RBPJ: variants seen among roughly 807,000 people sequenced by gnomAD.
The protein encoded by RBPJ is recombination signal binding protein for immunoglobulin kappa J region.
Under a neutral mutation model 67.8 loss-of-function variants are expected in RBPJ, and 9 were observed. That is an observed-to-expected ratio of 0.13 (90% CI 0.08 to 0.23). The LOEUF is 0.23. RBPJ is among the 10% of genes least tolerant of loss of function. RBPJ has a pLI of 1.00. For synonymous variants in RBPJ, 198 were observed against 203.3 expected (o/e 0.97, Z 0.22); for missense variants, 305 against 595.6 (o/e 0.51, Z 5.08).
chr4:26,262,859 T>C (rs902722486), intron 1 of RBPJ, among the ~76,000 whole-genome samples: 3 of 152,202 alleles, frequency 2.0e-5, no homozygotes, highest in African/African-American at 7.2e-5. Context: ...TGTCTTCCAG[T>C]ATGCTCTTCT....
chr4:26,183,788 T>C (rs1159145625), intron 1 of RBPJ, among the ~76,000 whole-genome samples: 1 of 152,024 alleles, frequency 6.6e-6, no homozygotes, highest in African/African-American at 2.4e-5. Context: ...GGCGAGCAGA[T>C]CACTTGAAGG....
the RBPJ span, among the ~76,000 whole-genome samples, chr4:26,140,625 A>ACC: frequency 2.6e-5 from 2 of 77,478 alleles, no homozygotes; most frequent in Admixed American, 1.3e-4. Flanking sequence ...AAGCCGCCCC[A>ACC]CCCCCCCACC....
intron 1 of RBPJ, among the ~76,000 whole-genome samples, chr4:26,268,803 C>T (rs1577373759): frequency 6.6e-6 from 1 of 152,088 alleles, no homozygotes; most frequent in Non-Finnish European, 1.5e-5. Flanking sequence ...CCCCCAAGTC[C>T]ACTTCATCAT....
intron 1 of RBPJ, among the ~76,000 whole-genome samples, chr4:26,279,461 A>G (rs574355678): frequency 6.6e-6 from 1 of 152,302 alleles, no homozygotes; most frequent in South Asian, 2.1e-4. Context: ...TTGTATTTTT[A>G]GAGACGGGCT....
chr4:26,312,681 C>G (rs191798938), intron 1 of RBPJ, among the ~76,000 whole-genome samples: 2 of 152,294 alleles, frequency 1.3e-5, no homozygotes, highest in Non-Finnish European at 2.9e-5. Flanking sequence ...CATTGTACCC[C>G]CAAGCTGTTA....
chr4:26,131,434 A>G, the RBPJ span, among the ~76,000 whole-genome samples: 1 of 152,202 alleles, frequency 6.6e-6, no homozygotes, highest in South Asian at 2.1e-4. Context: ...ACACACACAC[A>G]CAGACACACA....
chr4:26,257,486 G>T (rs1406020290), intron 1 of RBPJ, among the ~76,000 whole-genome samples: 1 of 152,172 alleles, frequency 6.6e-6, no homozygotes, highest in Non-Finnish European at 1.5e-5. Flanking sequence ...AAAATTTGCC[G>T]GGTGTGGTGG....
At chr4:26,204,897 T>C (rs775619036) in intron 1 of RBPJ, among the ~76,000 whole-genome samples, 1 of 152,206 alleles carries the variant, frequency 6.6e-6, no homozygotes, top group Non-Finnish European at 1.5e-5. Context: ...GGGCTAAATA[T>C]AGTCTCACCC....
At chr4:26,376,224 T>G (rs1313385812) in intron 1 of RBPJ, among the ~76,000 whole-genome samples, 1 of 152,294 alleles carries the variant, frequency 6.6e-6, no homozygotes, top group East Asian at 1.9e-4. Context: ...CCACCATCCA[T>G]CTCCAGAAAT....
chr4:26,327,542 GTTTTTT>G (rs11350013), intron 1 of RBPJ, among the ~76,000 whole-genome samples: 26 of 104,902 alleles, frequency 2.5e-4, no homozygotes, highest in African/African-American at 8.0e-4. Flanking sequence ...GACCCTGGAG[GTTTTTT>G]TTTTTTTTTT....
At chr4:26,275,848 T>C (rs1283703317) in intron 1 of RBPJ, among the ~76,000 whole-genome samples, 1 of 151,452 alleles carries the variant, frequency 6.6e-6, no homozygotes, top group Non-Finnish European at 1.5e-5. Flanking sequence ...GCCGGGATGG[T>C]CTGGATCTCT....
chr4:26,388,723 T>C (rs1173705452), intron 2 of RBPJ, among the ~76,000 whole-genome samples: 1 of 152,072 alleles, frequency 6.6e-6, no homozygotes, highest in Non-Finnish European at 1.5e-5. Flanking sequence ...TTAGTAAACA[T>C]GAAGACATAG....
intron 2 of RBPJ, among the ~76,000 whole-genome samples, chr4:26,395,800 T>A (rs967856298): frequency 3.3e-5 from 5 of 152,252 alleles, no homozygotes; most frequent in Non-Finnish European, 2.9e-5. Flanking sequence ...CATATTTGTC[T>A]ACTAATTTAG....
At chr4:26,260,795 A>G (rs868649617) in intron 1 of RBPJ, among the ~76,000 whole-genome samples, 3 of 152,034 alleles carry the variant, frequency 2.0e-5, no homozygotes, top group African/African-American at 2.4e-5. Context: ...GGCCCCACTC[A>G]AGTCTCCTCT....
intron 1 of RBPJ, among the ~76,000 whole-genome samples, chr4:26,209,060 T>TA (rs561918519): frequency 6.8e-6 from 1 of 147,860 alleles, no homozygotes; most frequent in Non-Finnish European, 1.5e-5. Context: ...GACAGTATGC[T>TA]AGAAAATGTT....
At chr4:26,191,381 G>A (rs1286407483) in intron 1 of RBPJ, among the ~76,000 whole-genome samples, 1 of 150,704 alleles carries the variant, frequency 6.6e-6, no homozygotes, top group Non-Finnish European at 1.5e-5. Flanking sequence ...CTCCACAGAG[G>A]GTTTTCTTGT....
chr4:26,320,047 C>T (rs1259057261), upstream of RBPJ, among the ~76,000 whole-genome samples: 1 of 152,204 alleles, frequency 6.6e-6, no homozygotes, highest in Non-Finnish European at 1.5e-5. Context: ...GCCCGGTTCC[C>T]TGTGCAGTAG....
chr4:26,295,284 G>A (rs1410539959), intron 1 of RBPJ, among the ~76,000 whole-genome samples: 1 of 148,456 alleles, frequency 6.7e-6, no homozygotes, highest in Non-Finnish European at 1.5e-5. Context: ...GTGTGTGTGT[G>A]CATGGGTGTG....
intron 1 of RBPJ, among the ~76,000 whole-genome samples, chr4:26,381,716 T>C (rs1730349855): frequency 6.6e-6 from 1 of 152,176 alleles, no homozygotes; most frequent in East Asian, 1.9e-4. Context: ...GGGAAAAGTA[T>C]ACAGAACATA....
Sources: gnomAD v4.1 joint callset for allele counts (sites outside exome capture counted in the v4.1 genomes callset) on GRCh38, gnomAD v4.1.1 for gene constraint, MANE v1.5 for transcripts, NCBI Gene and HGNC (gene_info 2026-07-23, HGNC 2026-07-21) for gene names.